EYA1: variants seen among roughly 807,000 people sequenced by gnomAD.
EYA1 encodes the protein protein phosphatase EYA1.
Under a neutral mutation model 82.0 loss-of-function variants are expected in EYA1, and 16 were observed. That is an observed-to-expected ratio of 0.20 (90% confidence interval 0.13 to 0.30). The LOEUF is 0.30. Ranked by LOEUF, EYA1 falls within the 10% of genes least tolerant of loss-of-function variation. The probability of loss-of-function intolerance (pLI) is 1.00; values close to 1 mark genes in which losing one functional copy is unlikely to be tolerated. For missense variants in EYA1, 633 were observed against 730.7 expected (o/e 0.87, Z 1.54); for synonymous variants, 261 against 264.4 (o/e 0.99, Z 0.12).
intron 1 of EYA1, among the ~76,000 whole-genome samples, chr8:71,541,768 T>C (rs1344068963): frequency 1.3e-5 from 2 of 152,178 alleles, no homozygotes; most frequent in Non-Finnish European, 2.9e-5. Flanking sequence ...CATAATCTAA[T>C]TGCACATAGG....
intron 2 of EYA1, among the ~76,000 whole-genome samples, chr8:71,501,841 G>A (rs968797778): frequency 5.9e-5 from 9 of 152,168 alleles, no homozygotes; most frequent in Admixed American, 3.3e-4. Context: ...GACACACTTC[G>A]TATAATTCTC....
At chr8:71,356,593 A>G (rs2030124049) in intron 1 of EYA1, 82 bp from the exon 2 acceptor site, 1 of 1,482,602 alleles carries the variant, frequency 6.7e-7, no homozygotes, top group African/African-American at 1.4e-5. Context: ...CACATGGCTG[A>G]GAACGACAAT....
chr8:71,383,622 T>G (rs1246030383), intron 2 of EYA1, among the ~76,000 whole-genome samples: 3 of 152,130 alleles, frequency 2.0e-5, no homozygotes, highest in Non-Finnish European at 2.9e-5. Context: ...TAGGTTACTT[T>G]TTGCCTAAGT....
chr8:71,265,517 A>G (rs1437174969), intron 11 of EYA1, among the ~76,000 whole-genome samples: 1 of 152,216 alleles, frequency 6.6e-6, no homozygotes, highest in Admixed American at 6.5e-5. Context: ...CACAGACATT[A>G]AACAATAAAA....
chr8:71,242,614 T>C (rs1812608935), intron 12 of EYA1, among the ~76,000 whole-genome samples: 2 of 152,162 alleles, frequency 1.3e-5, no homozygotes, highest in Non-Finnish European at 2.9e-5. Flanking sequence ...TTTCAGTCTC[T>C]ATATAATCAG....
intron 2 of EYA1, among the ~76,000 whole-genome samples, chr8:71,405,975 A>T (rs1259187739): frequency 6.6e-6 from 1 of 152,190 alleles, no homozygotes; most frequent in Non-Finnish European, 1.5e-5. Flanking sequence ...AGAAACAGAC[A>T]GCATAGGGAT....
chr8:71,382,688 A>T (rs1393853995), intron 2 of EYA1, among the ~76,000 whole-genome samples: 3 of 152,128 alleles, frequency 2.0e-5, no homozygotes, highest in Non-Finnish European at 4.4e-5. Flanking sequence ...AAAGAAAACA[A>T]AATTATATTA....
At position 71,208,413 on chromosome 8, in the gene EYA1, C is replaced by T. The variant is rs531257343; in HGVS notation, c.1698+2743G>A. ...CGCTACTGCACTCCAGCCTGGGTGA[C>T]GGAGACTCTTTCTCAAATAAAACAA... On this transcript the variant is annotated intron_variant, in intron 17 of 17. Transcript: ENST00000340726. 2.0e-5 allele frequency among the ~76,000 whole-genome samples: 3 copies of T among 152,122 alleles called. No individual in the cohort carries two copies. The East Asian group carries it at 5.8e-4, about 29-fold the overall frequency.
At chr8:71,293,521 C>A (rs1819227808) in intron 9 of EYA1, among the ~76,000 whole-genome samples, 1 of 151,976 alleles carries the variant, frequency 6.6e-6, no homozygotes, top group Non-Finnish European at 1.5e-5. Flanking sequence ...TTCTCATGAA[C>A]ATAAATGCAA....
chr8:71,331,637 C>T (rs1472551902), intron 4 of EYA1, among the ~76,000 whole-genome samples: 3 of 151,944 alleles, frequency 2.0e-5, no homozygotes, highest in Non-Finnish European at 4.4e-5. Flanking sequence ...TATGTACATA[C>T]AGATGCCTTT....
At chr8:71,465,887 T>C (rs1808736436) in intron 2 of EYA1, among the ~76,000 whole-genome samples, 1 of 152,110 alleles carries the variant, frequency 6.6e-6, no homozygotes, top group African/African-American at 2.4e-5. Flanking sequence ...CATCCATCTA[T>C]TCAAATTATT....
chr8:71,504,517 A>C (rs1053500140), intron 2 of EYA1, among the ~76,000 whole-genome samples: 1 of 152,244 alleles, frequency 6.6e-6, no homozygotes, highest in Non-Finnish European at 1.5e-5. Flanking sequence ...CCTGTAAAGT[A>C]GATCTTCTAA....
intron 2 of EYA1, among the ~76,000 whole-genome samples, chr8:71,458,596 G>C (rs1935409925): frequency 6.6e-6 from 1 of 151,988 alleles, no homozygotes; most frequent in Non-Finnish European, 1.5e-5. Context: ...AGCACAAAAT[G>C]CATGAAGTTT....
intron 2 of EYA1, among the ~76,000 whole-genome samples, chr8:71,471,632 T>C (rs1435844970): frequency 6.6e-6 from 1 of 152,108 alleles, no homozygotes; most frequent in South Asian, 2.1e-4. Context: ...ATAATGTTAA[T>C]AAATTTTAAA....
At chr8:71,249,234 T>C (rs1000398028) in intron 11 of EYA1, among the ~76,000 whole-genome samples, 1 of 152,034 alleles carries the variant, frequency 6.6e-6, no homozygotes, top group African/African-American at 2.4e-5. Flanking sequence ...CTAGAATCTA[T>C]GTATACATCA....
intron 2 of EYA1, among the ~76,000 whole-genome samples, chr8:71,498,700 G>C (rs1178734507): frequency 6.6e-6 from 1 of 152,146 alleles, no homozygotes; most frequent in Non-Finnish European, 1.5e-5. Context: ...CTCTTCTGCT[G>C]CTGGGCAATC....
intron 2 of EYA1, among the ~76,000 whole-genome samples, chr8:71,467,706 T>G (rs1808881553): frequency 6.6e-6 from 1 of 152,106 alleles, no homozygotes; most frequent in South Asian, 2.1e-4. Flanking sequence ...AAGTGGTCAT[T>G]GGTTGGTATG....
chr8:71,401,812 A>G lies in EYA1; in HGVS notation c.34-45301T>C, dbSNP rs1829973510. On this transcript the variant is annotated intron_variant, in intron 2 of 18. Coordinates refer to the EYA1 transcript ENST00000643681. ...TCTTGTTACCACTACTACTACCACC[A>G]CTTTCTGAATCATTTTTACTAAGCC... Among the ~76,000 whole-genome samples the G allele has an allele frequency of 3.9e-5, 6 of 152,122 alleles. No homozygotes were observed. The South Asian group carries it at 1.0e-3, about 26-fold the overall frequency.
chr8:71,287,319 C>A (rs1038247935), intron 9 of EYA1, among the ~76,000 whole-genome samples: 3 of 152,144 alleles, frequency 2.0e-5, no homozygotes, highest in Non-Finnish European at 2.9e-5. Flanking sequence ...TGTTGACTAG[C>A]CTTATAGGGA....
Sources: allele counts gnomAD v4.1 joint callset (sites outside exome capture counted in the v4.1 genomes callset), GRCh38; gene constraint gnomAD v4.1.1; transcripts MANE v1.5; gene names NCBI Gene and HGNC (gene_info 2026-07-23, HGNC 2026-07-21).